Variants in ZNF445 observed in about 807,000 individuals in gnomAD.
ZNF445 encodes zinc finger protein 168.
Under a neutral mutation model 93.9 loss-of-function variants are expected in ZNF445, and 19 were observed. The observed-to-expected ratio is 0.20, with a 90% confidence interval of 0.14 to 0.30. The LOEUF is 0.30. ZNF445 is among the 10% of genes least tolerant of loss of function. The pLI, the probability that ZNF445 is intolerant of heterozygous loss-of-function variation, is 1.00. For synonymous variants in ZNF445, 449 were observed against 446.3 expected (o/e 1.01, Z -0.08); for missense variants, 1,058 against 1,259.4 (o/e 0.84, Z 2.42).
intron 1 of ZNF445, among the ~76,000 whole-genome samples, chr3:44,470,075 G>A (rs1406838067): frequency 6.6e-6 from 1 of 152,028 alleles, no homozygotes; most frequent in African/African-American, 2.4e-5. Flanking sequence ...CTACAGACAT[G>A]TGCCACCCTC....
rs1697677014 is a variant in ZNF445 at position 44,436,205 on chromosome 3, AACTT to A, written c.*10366_*10369del. ...TTTCCTACTTACTCGGATCAAGTAA[AACTT>A]TAGTAGGCAGCCCATCCATTTCAGT... On this transcript the variant is annotated 3_prime_UTR_variant, in exon 8 of 8. Transcript: ENST00000396077. 1 of 152,180 alleles carries A rather than the reference AACTT, an allele frequency of 6.6e-6. No individual in the cohort carries two copies. The highest frequency in any genetic ancestry group is 1.5e-5 in the Non-Finnish European group (1 of 68,028). The allele number at this position is 152,180 out of a possible 1,614,324, so 9.4% of individuals were successfully genotyped here. A position where few individuals can be genotyped will look rare whatever the true frequency, so the allele number is the denominator to read the frequency against.
chr3:44,456,624 T>C (rs1559396143), intron 2 of ZNF445, among the ~76,000 whole-genome samples: 3 of 152,166 alleles, frequency 2.0e-5, no homozygotes, highest in Non-Finnish European at 2.9e-5. Context: ...CACACAAGAA[T>C]GCCCAACTGA....
chr3:44,470,787 T>C (rs966237843), intron 1 of ZNF445, among the ~76,000 whole-genome samples: 9 of 152,142 alleles, frequency 5.9e-5, no homozygotes, highest in African/African-American at 1.4e-4. Flanking sequence ...AGCAAAGCAA[T>C]TGAGTAGCAA....
At position 44,447,939 on chromosome 3, in the gene ZNF445, G is replaced by C; in HGVS notation, c.1732C>G (p.Leu578Val). The C allele has an allele frequency of 1.9e-6, 3 of 1,613,470 alleles. No homozygotes were observed. The highest frequency in any genetic ancestry group is 2.2e-5 in the South Asian group (2 of 91,064). Residue 578 changes from leucine (L) to valine (V), a missense_variant, in exon 8 of 8, where the codon CTC becomes GTC. Around this residue, in one of 3 missense-constraint regions of ZNF445, gnomAD observed 657 missense variants for 746.4 expected, o/e 0.88. Coordinates refer to ENST00000396077, the MANE Select transcript of ZNF445 (RefSeq NM_181489.6). This position sits in a 1 kb window ranked among gnomAD's most constrained non-coding sequence, Gnocchi z 4.7. ...FLELNQYRAA[L>V]TYSSGFDHHL... ...TGATCAAACCCTGAGCTGTAGGTGA[G>C]AGCTGCCCTATACTGATTCAATTCA...
rs765765512 is a variant in ZNF445, at chr3:44,447,514, G to T, written c.2157C>A (p.Ala719=). ...TATGAACAATAAAGGCTGACCTATA[G>T]GCAAAGTCCTTCCCACAATCGCTAC... is the stretch of plus-strand genomic sequence containing the variant. The part of the protein sequence containing the change: ...YQCSDCGKDF[A]YRSAFIVHKK... The change falls in exon 8 of 8, where the codon GCC becomes GCA. Residue 719 remains alanine, a synonymous_variant. Transcript: ENST00000396077. This position sits in a 1 kb window ranked among gnomAD's most constrained non-coding sequence, Gnocchi z 4.7. 6.2e-7 allele frequency: 1 copy of T among 1,613,944 alleles called. No individual in the cohort carries two copies. Among genetic ancestry groups the T allele is most frequent in the African/African-American group, 1.3e-5 (1 of 74,884 alleles).
At chr3:44,475,275 T>G (rs1365854840) in intron 1 of ZNF445, among the ~76,000 whole-genome samples, 2 of 152,096 alleles carry the variant, frequency 1.3e-5, no homozygotes, top group East Asian at 3.9e-4. Flanking sequence ...CTCCACTCAC[T>G]GCAACCTCCG....
chr3:44,455,679 C>G lies in ZNF445; in HGVS notation c.-130G>C. On this transcript the variant is annotated 5_prime_UTR_variant, in exon 3 of 8. Transcript: ENST00000396077. The stretch of plus-strand genomic sequence containing the variant: ...GACATCAGAAGTCATCAGCAAGTGA[C>G]TGAAATTACCAGCATTTCTGTGCAG... 1 of 799,164 alleles carries G rather than the reference C, an allele frequency of 1.3e-6. No individual in the cohort carries two copies. Among genetic ancestry groups the G allele is most frequent in the Non-Finnish European group, 1.9e-6 (1 of 521,798 alleles). 49.5% of individuals were successfully genotyped at this position (799,164 alleles called of 1,614,324 possible). A position where few individuals can be genotyped will look rare whatever the true frequency, so the allele number is the denominator to read the frequency against.
chr3:44,461,305 G>A (rs762718615), intron 1 of ZNF445, among the ~76,000 whole-genome samples: 3 of 152,156 alleles, frequency 2.0e-5, no homozygotes, highest in East Asian at 1.9e-4. Flanking sequence ...CTAACCAGGA[G>A]GAAGAGTCCT....
At chr3:44,468,670 C>A (rs914459608) in intron 1 of ZNF445, among the ~76,000 whole-genome samples, 1 of 147,264 alleles carries the variant, frequency 6.8e-6, no homozygotes, top group African/African-American at 2.6e-5. Flanking sequence ...CGCCCCCACC[C>A]CTCCACCCCC....
Position 44,447,370 on chromosome 3 carries a change from A to G in ZNF445, c.2301T>C (p.Cys767=). The change falls in exon 8 of 8, where the codon TGT becomes TGC. Residue 767 remains cysteine (C), a synonymous_variant. Transcript: ENST00000396077. The surrounding 1 kb of genome is among the most constrained non-coding windows in gnomAD (Gnocchi z 4.7). ...ATGAGTGATTGCGGAAGGCCTTGCC[A>G]CACTGGCTGCATTTGTAGGGCTCCT... ...SKEEPYKCSQ[C]GKAFRNHSFL... is the part of the protein sequence containing the mutation. The G allele has an allele frequency of 6.2e-7, 1 of 1,614,202 alleles. No homozygotes were observed. Among genetic ancestry groups the G allele is most frequent in the Non-Finnish European group, 8.5e-7 (1 of 1,180,028 alleles).
chr3:44,453,809 G>T (rs930462706), intron 3 of ZNF445, among the ~76,000 whole-genome samples: 1 of 152,092 alleles, frequency 6.6e-6, no homozygotes, highest in Admixed American at 6.5e-5. Flanking sequence ...AATATTTACC[G>T]AACAAATTCT....
rs975312823 is a variant in ZNF445 at position 44,436,760 on chromosome 3, A to C, written c.*9815T>G. 2 of 80,864 alleles carry C rather than the reference A, an allele frequency of 2.5e-5. No homozygotes were observed. The highest frequency in any genetic ancestry group is 2.4e-5 in the Non-Finnish European group (1 of 41,140). The allele number at this position is 80,864 out of a possible 1,614,324, so 5.0% of individuals were successfully genotyped here. A position where few individuals can be genotyped will look rare whatever the true frequency, so the allele number is the denominator to read the frequency against. ...CCCAAGCTGGGATTACAGTGAGTCC[A>C]TATCTCAACAACTCAAAGCAAATGA... On this transcript the variant is annotated 3_prime_UTR_variant, in exon 8 of 8. Transcript: ENST00000396077.
chr3:44,473,114 G>T lies in ZNF445; in HGVS notation c.-269+4477C>A, dbSNP rs182395997. Among the ~76,000 whole-genome samples, 211 of 152,152 alleles carry T rather than the reference G, an allele frequency of 1.4e-3. 1 individual carries two copies. The highest frequency in any genetic ancestry group is 3.4e-3 in the Middle Eastern group (1 of 294). On this transcript the variant is annotated intron_variant, in intron 1 of 7. Coordinates refer to ENST00000396077, the MANE Select transcript of ZNF445 (RefSeq NM_181489.6). ...TCCTACCAGTGTAAGTGTATAGAAG[G>T]TATATAAACTGATATTAAGCAAACA...
Position 44,444,173 on chromosome 3 carries a change from G to A in ZNF445, c.*2402C>T, listed in dbSNP as rs1697849799. 6.6e-6 allele frequency: 1 copy of A among 152,098 alleles called. No homozygotes were observed. The highest frequency in any genetic ancestry group is 1.5e-5 in the Non-Finnish European group (1 of 68,046). 9.4% of individuals were successfully genotyped at this position (152,098 alleles called of 1,614,324 possible). A position where few individuals can be genotyped will look rare whatever the true frequency, so the allele number is the denominator to read the frequency against. On this transcript the variant is annotated 3_prime_UTR_variant, in exon 8 of 8. Coordinates refer to ENST00000396077, the MANE Select transcript of ZNF445 (RefSeq NM_181489.6). The stretch of plus-strand genomic sequence containing the variant: ...GACAGTAAAAATATCCCTATACTGG[G>A]GCAGGAACTTTACAAGGTATCCTGT...
At chr3:44,477,247 G>A (rs535231382) in intron 1 of ZNF445, among the ~76,000 whole-genome samples, 1 of 152,246 alleles carries the variant, frequency 6.6e-6, no homozygotes, top group African/African-American at 2.4e-5. Context: ...GAGGCCTGGA[G>A]ACAGATTTCA....
At position 44,439,333 on chromosome 3, in the gene ZNF445, CA is replaced by C. The variant is rs1697761551; in HGVS notation, c.*7241del. ...CTCAAAAAAAAAAAAAAAAAAAAAG[CA>C]AAACGCAAAAAGCAGTGGTGACCAT... On this transcript the variant is annotated 3_prime_UTR_variant, in exon 8 of 8. Coordinates refer to ENST00000396077, the MANE Select transcript of ZNF445 (RefSeq NM_181489.6). 1 of 136,172 alleles carries C rather than the reference CA, an allele frequency of 7.3e-6. No homozygotes were observed. The highest frequency in any genetic ancestry group is 2.6e-5 in the African/African-American group (1 of 38,334). The allele number at this position is 136,172 out of a possible 1,614,324, so 8.4% of individuals were successfully genotyped here.
Position 44,455,544 on chromosome 3 carries a change from A to G in ZNF445, c.6T>C (p.Pro2=), listed in dbSNP as rs778353857. 4 of 1,595,058 alleles carry G rather than the reference A, an allele frequency of 2.5e-6. No individual in the cohort carries two copies. Residue 2 remains proline, a synonymous_variant, in exon 3 of 8, where the codon CCT becomes CCC. Coordinates refer to ENST00000396077, the MANE Select transcript of ZNF445 (RefSeq NM_181489.6). M[P]PGRWHAAYPA... ...GATAGGCAGCATGCCACCTGCCTGG[A>G]GGCATCACTCCTGTTCAGGGACTAA...
At position 44,446,413 on chromosome 3, in the gene ZNF445, G is replaced by C; in HGVS notation, c.*162C>G. ...CCCAGCGTCACATCCTAGCAGGCAG[G>C]CTGGGGACTCCCCGAGCTTTCAAAT... On this transcript the variant is annotated 3_prime_UTR_variant, in exon 8 of 8. Coordinates refer to ENST00000396077, the MANE Select transcript of ZNF445 (RefSeq NM_181489.6). This position sits in a 1 kb window ranked among gnomAD's most constrained non-coding sequence, Gnocchi z 4.2. 1 of 1,005,462 alleles carries C rather than the reference G, an allele frequency of 9.9e-7. No homozygotes were observed. Among genetic ancestry groups the C allele is most frequent in the Non-Finnish European group, 1.4e-6 (1 of 698,836 alleles). 62.3% of individuals were successfully genotyped at this position (1,005,462 alleles called of 1,614,324 possible).
rs1697908806 is a variant in ZNF445 at position 44,448,353 on chromosome 3, T to C, written c.1318A>G (p.Met440Val). ...YKKYGKGLRHMIGGFSLHQRI... is the reference protein window; with the variant it reads ...YKKYGKGLRHVIGGFSLHQRI... ...TGATGTAGGCTGAAGCCCCCAATCA[T>C]GTGTCTGAGCCCCTTCCCATATTTC... Residue 440 changes from methionine (M) to valine (V), a missense_variant, in exon 8 of 8, where the codon ATG (methionine) becomes GTG (valine). This residue lies in a region of ZNF445 where 657 missense variants were observed against 746.4 expected (regional missense o/e 0.88). Transcript: ENST00000396077. 1 of 1,614,144 alleles carries C rather than the reference T, an allele frequency of 6.2e-7. No individual in the cohort carries two copies. Among genetic ancestry groups the C allele is most frequent in the African/African-American group, 1.3e-5 (1 of 74,948 alleles).
Sources: gnomAD v4.1 joint callset for allele counts (sites outside exome capture counted in the v4.1 genomes callset) on GRCh38, gnomAD v4.1.1 for gene constraint, gnomAD v4.1.1 regional missense constraint, Gnocchi (gnomAD v3.1) non-coding constraint, MANE v1.5 for transcripts, NCBI Gene and HGNC (gene_info 2026-07-23, HGNC 2026-07-21) for gene names.